CDKAL1: variants seen among roughly 807,000 people sequenced by gnomAD.
The protein encoded by CDKAL1 is CDKAL1 threonylcarbamoyladenosine tRNA methylthiotransferase.
A neutral mutation model predicts 68.2 loss-of-function variants in CDKAL1; 32 were observed. The observed-to-expected ratio is 0.47, with a 90% CI of 0.35 to 0.63. The LOEUF is 0.63. Among genes scored for constraint, CDKAL1 ranks in the 30% least tolerant of loss-of-function variants. The probability of loss-of-function intolerance (pLI) is 0.00; values close to 1 mark genes in which losing one functional copy is unlikely to be tolerated. For synonymous variants in CDKAL1, 234 were observed against 244.3 expected (o/e 0.96, Z 0.39); for missense variants, 606 against 696.7 (o/e 0.87, Z 1.47).
At chr6:21,153,477 G>T (rs1179784756) in intron 13 of CDKAL1, among the ~76,000 whole-genome samples, 3 of 152,056 alleles carry the variant, frequency 2.0e-5, no homozygotes, top group African/African-American at 7.2e-5. Flanking sequence ...AATGTAGGCT[G>T]TATCACCTCT....
At chr6:20,688,600 T>C (rs2127800328) in intron 5 of CDKAL1, among the ~76,000 whole-genome samples, 1 of 152,372 alleles carries the variant, frequency 6.6e-6, no homozygotes, top group Admixed American at 6.5e-5. Context: ...ATATGTTTTT[T>C]GTTCTGTTTT....
chr6:21,093,373 G>C (rs1350943446), intron 12 of CDKAL1, among the ~76,000 whole-genome samples: 1 of 152,126 alleles, frequency 6.6e-6, no homozygotes, highest in African/African-American at 2.4e-5. Context: ...CCAGAATTTT[G>C]GGCATCATGA....
intron 13 of CDKAL1, among the ~76,000 whole-genome samples, chr6:21,128,562 T>A (rs760430481): frequency 6.6e-6 from 1 of 152,234 alleles, no homozygotes; most frequent in Non-Finnish European, 1.5e-5. Flanking sequence ...TCTTTTGTTT[T>A]CATGTTTTAT....
At chr6:20,970,167 G>A (rs900837580) in intron 10 of CDKAL1, among the ~76,000 whole-genome samples, 15 of 152,180 alleles carry the variant, frequency 9.9e-5, no homozygotes, top group Admixed American at 7.9e-4. Context: ...GTTTTTCTGG[G>A]AATGGGGCTT....
chr6:21,073,184 A>G (rs1771887899), intron 12 of CDKAL1, among the ~76,000 whole-genome samples: 1 of 152,144 alleles, frequency 6.6e-6, no homozygotes, highest in Non-Finnish European at 1.5e-5. Flanking sequence ...ACTGAATAAT[A>G]TTTCATTGTG....
At chr6:20,865,569 A>G (rs549114158) in intron 9 of CDKAL1, among the ~76,000 whole-genome samples, 1 of 152,234 alleles carries the variant, frequency 6.6e-6, no homozygotes, top group East Asian at 1.9e-4. Context: ...ACAAGACTAC[A>G]TTTAAGTGCA....
At chr6:20,999,587 T>C (rs967176609) in intron 10 of CDKAL1, among the ~76,000 whole-genome samples, 2 of 147,642 alleles carry the variant, frequency 1.4e-5, no homozygotes, top group Admixed American at 7.0e-5. Flanking sequence ...AGGTGCCCAG[T>C]GGTGAAGTGG....
At chr6:20,824,753 G>C (rs1478469651) in intron 8 of CDKAL1, among the ~76,000 whole-genome samples, 1 of 152,148 alleles carries the variant, frequency 6.6e-6, no homozygotes, top group African/African-American at 2.4e-5. Context: ...TACACGTAGG[G>C]GGAAAGGATT....
intron 13 of CDKAL1, among the ~76,000 whole-genome samples, chr6:21,197,699 TAGA>T (rs1330066874): frequency 3.9e-5 from 6 of 152,238 alleles, no homozygotes; most frequent in Admixed American, 3.9e-4. Context: ...AAGTGATATT[TAGA>T]AGATTTTTGT....
chr6:20,937,857 GTGGT>G, intron 9 of CDKAL1, among the ~76,000 whole-genome samples: 1 of 72,916 alleles, frequency 1.4e-5, no homozygotes, highest in Middle Eastern at 6.7e-3. Flanking sequence ...CCACTGTGAG[GTGGT>G]TTTTTTTTTT....
chr6:20,739,424 GTTAT>G (rs1773344965), intron 5 of CDKAL1, 91 bp from the exon 6 acceptor site: 2 of 682,892 alleles, frequency 2.9e-6, no homozygotes, highest in Non-Finnish European at 5.0e-6. Flanking sequence ...AGATAGGCCT[GTTAT>G]TATTTGGAGA....
At chr6:20,564,320 C>T (rs552834453) in intron 4 of CDKAL1, among the ~76,000 whole-genome samples, 1 of 152,164 alleles carries the variant, frequency 6.6e-6, no homozygotes, top group African/African-American at 2.4e-5. Flanking sequence ...GCTCTACTCA[C>T]CTTTCATCTG....
intron 8 of CDKAL1, among the ~76,000 whole-genome samples, chr6:20,783,449 T>C (rs1319213206): frequency 2.0e-5 from 3 of 152,190 alleles, no homozygotes; most frequent in Admixed American, 6.5e-5. Flanking sequence ...CACTCCCTAC[T>C]TCACACCCCA....
chr6:20,650,987 C>T (rs566156292), intron 5 of CDKAL1, among the ~76,000 whole-genome samples: 9 of 152,076 alleles, frequency 5.9e-5, no homozygotes, highest in East Asian at 5.8e-4. Context: ...TTGGGTAGCG[C>T]GATGCCCCTA....
intron 13 of CDKAL1, among the ~76,000 whole-genome samples, chr6:21,136,853 A>C (rs1775629360): frequency 1.3e-5 from 2 of 152,150 alleles, no homozygotes; most frequent in Non-Finnish European, 2.9e-5. Context: ...ATAGCACTGA[A>C]CTCTGATGTG....
intron 13 of CDKAL1, among the ~76,000 whole-genome samples, chr6:21,190,538 T>A (rs946940016): frequency 6.6e-6 from 1 of 152,174 alleles, no homozygotes; most frequent in Non-Finnish European, 1.5e-5. Flanking sequence ...TGGCTAATTT[T>A]TGTATTTTTG....
At chr6:21,146,564 A>C (rs76284944) in intron 13 of CDKAL1, among the ~76,000 whole-genome samples, 1,597 of 152,206 alleles carry the variant, frequency 0.01, 22 homozygotes, top group African/African-American at 0.028. Context: ...GATACTCTTA[A>C]ATTTGGCCCG....
intron 10 of CDKAL1, among the ~76,000 whole-genome samples, chr6:20,996,016 G>A (rs914976018): frequency 1.2e-4 from 18 of 152,206 alleles, no homozygotes; most frequent in African/African-American, 4.1e-4. Flanking sequence ...TATTCAGTTT[G>A]CACTTTCATG....
At chr6:21,203,740 C>T (rs1029686534) in intron 15 of CDKAL1, among the ~76,000 whole-genome samples, 9 of 122,390 alleles carry the variant, frequency 7.4e-5, no homozygotes, top group Admixed American at 2.0e-4. Context: ...TTTTGCTTGT[C>T]GCCCAGGCTG....
Sources: allele counts gnomAD v4.1 joint callset (sites outside exome capture counted in the v4.1 genomes callset), GRCh38; gene constraint gnomAD v4.1.1; transcripts MANE v1.5; gene names NCBI Gene and HGNC (gene_info 2026-07-23, HGNC 2026-07-21).